Variants in DOCK5 observed in about 807,000 individuals in gnomAD.
DOCK5 encodes dedicator of cytokinesis 5.
A neutral mutation model predicts 251.8 loss-of-function variants in DOCK5; 142 were observed. The ratio of observed to expected loss-of-function variants is 0.56; its 90% CI spans 0.49 to 0.65. DOCK5 has a LOEUF of 0.65. Ranked by LOEUF, DOCK5 falls within the 30% of genes least tolerant of loss-of-function variation. DOCK5 has a pLI of 0.00. For synonymous variants in DOCK5, 842 were observed against 835.5 expected (o/e 1.01, Z -0.13); for missense variants, 2,111 against 2,312.3 (o/e 0.91, Z 1.79).
chr8:25,397,386 G>T (rs1291883595), intron 45 of DOCK5, among the ~76,000 whole-genome samples: 1 of 152,204 alleles, frequency 6.6e-6, no homozygotes, highest in African/African-American at 2.4e-5. Flanking sequence ...AGCAGACGGT[G>T]TAATTGGAAT....
At chr8:25,297,671 G>A (rs888923923) in intron 7 of DOCK5, among the ~76,000 whole-genome samples, 1 of 152,154 alleles carries the variant, frequency 6.6e-6, no homozygotes, top group Admixed American at 6.6e-5. Context: ...TTATAGGCAT[G>A]ATCCACTGCA....
rs1803480523 is a variant in DOCK5, at chr8:25,258,505, C to G, written c.128-10340C>G. Among the ~76,000 whole-genome samples, 5 of 152,174 alleles carry G rather than the reference C, an allele frequency of 3.3e-5. No individual in the cohort carries two copies. The South Asian group carries it at 1.0e-3, about 31-fold the overall frequency. ...TGGAGAACCAGGCCTTTTGGTGTCA[C>G]ACAAGCTCTCTTTATAAAGAAGCAA... On this transcript the variant is annotated intron_variant, in intron 2 of 51. Transcript: ENST00000276440.
chr8:25,186,856 A>G (rs576655884), intron 1 of DOCK5, among the ~76,000 whole-genome samples: 1 of 152,068 alleles, frequency 6.6e-6, no homozygotes, highest in Non-Finnish European at 1.5e-5. Flanking sequence ...TGTTTTTAAT[A>G]TTTTGTTTTT....
At chr8:25,410,707 CCCA>C (rs916282132) in intron 51 of DOCK5, among the ~76,000 whole-genome samples, 23 of 138,464 alleles carry the variant, frequency 1.7e-4, no homozygotes, top group East Asian at 6.4e-4. Flanking sequence ...AGTGATCCCC[CCCA>C]CCCACCTCAG....
At chr8:25,406,591 T>C (rs1389898897) in intron 48 of DOCK5, among the ~76,000 whole-genome samples, 1 of 152,224 alleles carries the variant, frequency 6.6e-6, no homozygotes, top group Admixed American at 6.5e-5. Flanking sequence ...TCTTACCTTT[T>C]TATTATAAGC....
chr8:25,397,281 G>A (rs1801362859), intron 45 of DOCK5, among the ~76,000 whole-genome samples: 1 of 152,132 alleles, frequency 6.6e-6, no homozygotes, highest in Non-Finnish European at 1.5e-5. Flanking sequence ...TGGTTTGGAA[G>A]ATTAAGGGAG....
In DOCK5 at chr8:25,404,808, A is replaced by G. The variant is rs139752630; in HGVS notation, c.5093+1084A>G. Among the ~76,000 whole-genome samples the G allele has an allele frequency of 3.5e-3, 538 of 152,270 alleles. 5 individuals carry two copies. The highest frequency in any genetic ancestry group is 0.032 in the South Asian group (157 of 4,832). ...GAAAATTATTCCTAAACCGACTTCC[A>G]TAAAGATTATACCAGTTTACACTCC... is the stretch of plus-strand genomic sequence containing the variant. On this transcript the variant is annotated intron_variant, in intron 48 of 51. Transcript: ENST00000276440.
At chr8:25,314,772 C>T (rs1233518417) in intron 13 of DOCK5, among the ~76,000 whole-genome samples, 2 of 147,610 alleles carry the variant, frequency 1.4e-5, no homozygotes, top group Non-Finnish European at 3.0e-5. Context: ...CATCCACCCA[C>T]CTATCCATCC....
chr8:25,248,581 G>A (rs927164707), intron 2 of DOCK5, among the ~76,000 whole-genome samples: 3 of 151,874 alleles, frequency 2.0e-5, no homozygotes, highest in Admixed American at 6.6e-5. Flanking sequence ...TTTTTCCAGC[G>A]TGGACATGAA....
chr8:25,266,836 AG>A, intron 2 of DOCK5, among the ~76,000 whole-genome samples: 1 of 112,842 alleles, frequency 8.9e-6, no homozygotes, highest in Non-Finnish European at 2.3e-5. Context: ...AAGACATAGG[AG>A]GTTAAAAAAA....
intron 27 of DOCK5, 147 bp from the exon 28 acceptor site, chr8:25,358,816 A>T: frequency 1.5e-6 from 1 of 684,940 alleles, no homozygotes; most frequent in South Asian, 1.7e-5. Context: ...TGGCCTTTGG[A>T]CCTTTAGAAT....
chr8:25,345,979 A>G (rs1800358998), intron 26 of DOCK5, among the ~76,000 whole-genome samples: 2 of 152,204 alleles, frequency 1.3e-5, no homozygotes, highest in South Asian at 4.2e-4. Flanking sequence ...CCTCCCGAGT[A>G]GCTGGGACTA....
At position 25,206,708 on chromosome 8, in the gene DOCK5, C is replaced by T. The variant is rs553016512; in HGVS notation, c.43+21757C>T. Reference sequence around the variant, plus strand: ...TGGACACACTACCTAGAGGCCATTCCGTAGCCTGGACAATGACATATGGTT... The same window carrying T: ...TGGACACACTACCTAGAGGCCATTCTGTAGCCTGGACAATGACATATGGTT... On this transcript the variant is annotated intron_variant, in intron 1 of 51. Coordinates refer to ENST00000276440, the MANE Select transcript of DOCK5 (RefSeq NM_024940.8). 1.6e-3 allele frequency among the ~76,000 whole-genome samples: 251 copies of T among 152,264 alleles called. 1 individual carries two copies. The highest frequency in any genetic ancestry group is 5.8e-3 in the African/African-American group (239 of 41,550).
intron 1 of DOCK5, among the ~76,000 whole-genome samples, chr8:25,235,568 A>G (rs1802774706): frequency 6.6e-6 from 1 of 151,842 alleles, no homozygotes. Context: ...TTTGTTCTGT[A>G]ATTTCGAATT....
intron 12 of DOCK5, among the ~76,000 whole-genome samples, chr8:25,309,528 A>G (rs1805035638): frequency 2.0e-5 from 3 of 152,298 alleles, no homozygotes; most frequent in East Asian, 3.9e-4. Context: ...ACCCTAGATA[A>G]TAATTATGCT....
intron 37 of DOCK5, chr8:25,376,819 A>G (rs532305363): frequency 1.3e-5 from 2 of 152,612 alleles, no homozygotes; most frequent in South Asian, 2.1e-4. Context: ...TCTATTCTGT[A>G]TATTTAGTCT....
intron 1 of DOCK5, among the ~76,000 whole-genome samples, chr8:25,231,585 G>A (rs1802669772): frequency 6.6e-6 from 1 of 152,106 alleles, no homozygotes; most frequent in Non-Finnish European, 1.5e-5. Context: ...CTTTGTTTTT[G>A]CAAATGCCTT....
rs953514086 is a variant in DOCK5 at position 25,258,116 on chromosome 8, G to A, written c.128-10729G>A. On this transcript the variant is annotated intron_variant, in intron 2 of 51. Transcript: ENST00000276440. ...TCCTTCCTCTCACTGAGCTTCCAGG[G>A]CTCTGTGAAGGCACAGAGGGAGGTT... 3.3e-5 allele frequency among the ~76,000 whole-genome samples: 5 copies of A among 152,058 alleles called. No individual in the cohort carries two copies. In the East Asian group the frequency reaches 9.7e-4, roughly 30 times the overall value.
At position 25,320,980 on chromosome 8, in the gene DOCK5, G is replaced by A. The variant is rs762355928; in HGVS notation, c.1543G>A (p.Val515Ile). Residue 515 changes from valine to isoleucine, a missense_variant and splice_region_variant, in exon 16 of 52, where the codon GTA becomes ATA. By Grantham distance (29) the Val-to-Ile change is conservative. Around this residue, in one of 3 missense-constraint regions of DOCK5, gnomAD observed 1,717 missense variants for 1,892.4 expected, o/e 0.91. Transcript: ENST00000276440. The stretch of plus-strand genomic sequence containing the variant: ...CTATTAATTTCTTACTATGACACAG[G>A]TATCCATTGCTATAGAAGAAGTCAC... Reference protein sequence around the residue: ...KQPCWYETVKVSIAIEEVTRC... With the variant: ...KQPCWYETVKISIAIEEVTRC... 6.2e-7 allele frequency: 1 copy of A among 1,612,428 alleles called. No individual in the cohort carries two copies. The highest frequency in any genetic ancestry group is 8.5e-7 in the Non-Finnish European group (1 of 1,178,972).
Sources: allele counts gnomAD v4.1 joint callset (sites outside exome capture counted in the v4.1 genomes callset), GRCh38; gene constraint gnomAD v4.1.1; regional missense constraint gnomAD v4.1.1; transcripts MANE v1.5; gene names NCBI Gene and HGNC (gene_info 2026-07-23, HGNC 2026-07-21).